Variants in FAM107B observed in about 807,000 individuals in gnomAD.
FAM107B encodes the protein family with sequence similarity 107 member B.
In FAM107B, 21 loss-of-function variants were observed where a neutral mutation model predicts 31.5. The observed-to-expected ratio is 0.67, with a 90% CI of 0.47 to 0.96. The LOEUF is 0.96. FAM107B is among the 40% of genes least tolerant of loss of function. The pLI is 0.00. For synonymous variants in FAM107B, 157 were observed against 141.5 expected (o/e 1.11, Z -0.78); for missense variants, 452 against 377.1 (o/e 1.20, Z -1.64).
chr10:14,573,937 G>C (rs1390394109), intron 2 of FAM107B, among the ~76,000 whole-genome samples: 2 of 91,336 alleles, frequency 2.2e-5, no homozygotes, highest in Non-Finnish European at 5.0e-5. Flanking sequence ...AACCACCCTA[G>C]GGCCCAGGAG....
At chr10:14,630,430 G>A (rs1853325045) in intron 2 of FAM107B, among the ~76,000 whole-genome samples, 1 of 151,854 alleles carries the variant, frequency 6.6e-6, no homozygotes, top group Non-Finnish European at 1.5e-5. Flanking sequence ...AATGCACTGA[G>A]GCAGAGTTGA....
intron 2 of FAM107B, among the ~76,000 whole-genome samples, chr10:14,601,760 G>A (rs773794901): frequency 1.9e-4 from 29 of 152,240 alleles, no homozygotes; most frequent in Non-Finnish European, 4.3e-4. Flanking sequence ...GGAAGGGGCA[G>A]AAGGTAAGTT....
chr10:14,774,003 C>G (rs1319563130), intron 1 of FAM107B, among the ~76,000 whole-genome samples: 1 of 152,196 alleles, frequency 6.6e-6, no homozygotes, highest in African/African-American at 2.4e-5. Flanking sequence ...GGCACCCTAG[C>G]CCGTTAATTC....
intron 2 of FAM107B, among the ~76,000 whole-genome samples, chr10:14,577,402 G>A (rs886612618): frequency 3.9e-5 from 6 of 152,242 alleles, no homozygotes; most frequent in African/African-American, 7.2e-5. Context: ...AAACTCTTCC[G>A]TTCACGGAAA....
chr10:14,570,472 A>G (rs545896901), intron 2 of FAM107B, among the ~76,000 whole-genome samples: 3 of 152,278 alleles, frequency 2.0e-5, no homozygotes, highest in East Asian at 1.9e-4. Context: ...GTGGCCACCC[A>G]AGACATTCTC....
rs146529060 is a variant in FAM107B at position 14,665,449 on chromosome 10, C to T, written c.469+2185G>A. On this transcript the variant is annotated intron_variant, in intron 2 of 4. Coordinates refer to ENST00000181796, the MANE Select transcript of FAM107B (RefSeq NM_031453.4). ...TTAGTGAGTAATGATGTCCTCCCAA[C>T]GTGTGTGAACAAATGTTCTCAGAAC... is the stretch of plus-strand genomic sequence containing the variant. 1.5e-3 allele frequency among the ~76,000 whole-genome samples: 224 copies of T among 152,318 alleles called. 2 individuals are homozygous for T. Among genetic ancestry groups the T allele is most frequent in the African/African-American group, 5.1e-3 (212 of 41,566 alleles).
chr10:14,619,052 G>A (rs1238799146), intron 2 of FAM107B, among the ~76,000 whole-genome samples: 2 of 152,158 alleles, frequency 1.3e-5, no homozygotes, highest in Non-Finnish European at 2.9e-5. Context: ...CCAGAGGTTA[G>A]AAGACATGAG....
At chr10:14,679,559 G>A (rs1854778070) in intron 1 of FAM107B, among the ~76,000 whole-genome samples, 1 of 152,214 alleles carries the variant, frequency 6.6e-6, no homozygotes, top group Non-Finnish European at 1.5e-5. Flanking sequence ...TGCCTGACTA[G>A]CAGCCTTTCA....
At chr10:14,688,566 C>G (rs1337904327) in intron 1 of FAM107B, among the ~76,000 whole-genome samples, 5 of 152,140 alleles carry the variant, frequency 3.3e-5, no homozygotes, top group Non-Finnish European at 5.9e-5. Context: ...TTCAGCCTTC[C>G]CAAGCCTCCT....
chr10:14,759,185 T>A (rs1055237775), intron 1 of FAM107B, among the ~76,000 whole-genome samples: 1 of 135,336 alleles, frequency 7.4e-6, no homozygotes, highest in Non-Finnish European at 1.7e-5. Flanking sequence ...TCTCAAAAAA[T>A]AAATAAATAA....
chr10:14,650,549 G>A (rs1387133450), intron 2 of FAM107B, among the ~76,000 whole-genome samples: 1 of 152,270 alleles, frequency 6.6e-6, no homozygotes, highest in South Asian at 2.1e-4. Context: ...GCCTCCCAAA[G>A]TGCTGGGATT....
Position 14,774,405 on chromosome 10 carries a change from C to T in FAM107B, c.259G>A (p.Gly87Ser). ...QDSSTHAERNGSANRNSSHRT... is the reference protein window; with the variant it reads ...QDSSTHAERNSSANRNSSHRT... ...TGACTTGAATTCCGATTCGCACTGCCATTTCTCTCTGCATGGGTGCTCGAA... is the reference window on the plus strand; with the variant it reads ...TGACTTGAATTCCGATTCGCACTGCTATTTCTCTCTGCATGGGTGCTCGAA... Residue 87 changes from glycine (G) to serine (S), a missense_variant, in exon 1 of 5, where the codon GGC (glycine) becomes AGC (serine). By Grantham distance (56) the Gly-to-Ser change is moderately conservative. Coordinates refer to ENST00000181796, the MANE Select transcript of FAM107B (RefSeq NM_031453.4). 1 of 1,614,210 alleles carries T rather than the reference C, an allele frequency of 6.2e-7. No individual in the cohort carries two copies. Among genetic ancestry groups the T allele is most frequent in the Non-Finnish European group, 8.5e-7 (1 of 1,180,044 alleles).
chr10:14,619,752 A>C (rs1289911251), intron 2 of FAM107B, among the ~76,000 whole-genome samples: 1 of 149,730 alleles, frequency 6.7e-6, no homozygotes, highest in Non-Finnish European at 1.5e-5. Flanking sequence ...AGCTAAGCAC[A>C]CAATTACATT....
intron 1 of FAM107B, among the ~76,000 whole-genome samples, chr10:14,685,142 ATTTTTTTTT>A (rs59475861): frequency 4.6e-3 from 168 of 36,756 alleles, no homozygotes; most frequent in Non-Finnish European, 6.8e-3. Flanking sequence ...ACATCCTTTT[ATTTTTTTTT>A]TTTTTTTTTT....
intron 1 of FAM107B, among the ~76,000 whole-genome samples, chr10:14,692,708 T>G (rs532750585): frequency 1.3e-5 from 2 of 152,312 alleles, no homozygotes; most frequent in East Asian, 3.9e-4. Flanking sequence ...CTTTGCTGTA[T>G]GCAATTGATC....
chr10:14,588,209 G>A (rs893856419), intron 2 of FAM107B, among the ~76,000 whole-genome samples: 8 of 151,988 alleles, frequency 5.3e-5, no homozygotes, highest in Non-Finnish European at 1.5e-5. Flanking sequence ...CAGGCTGTGC[G>A]TGCAAGCTGT....
At chr10:14,542,266 T>A (rs1268988939) in intron 2 of FAM107B, among the ~76,000 whole-genome samples, 12 of 127,266 alleles carry the variant, frequency 9.4e-5, no homozygotes, top group Admixed American at 9.2e-4. Flanking sequence ...TGAGACTCCA[T>A]CTCAAAAAAA....
At chr10:14,559,349 G>A (rs1452301207) in intron 2 of FAM107B, among the ~76,000 whole-genome samples, 2 of 152,094 alleles carry the variant, frequency 1.3e-5, no homozygotes, top group African/African-American at 4.8e-5. Flanking sequence ...GCCCAGCTTT[G>A]CCAGCACCGA....
chr10:14,633,412 T>G (rs1434246383), intron 2 of FAM107B, among the ~76,000 whole-genome samples: 2 of 152,238 alleles, frequency 1.3e-5, no homozygotes, highest in Non-Finnish European at 2.9e-5. Context: ...AAAACTATTC[T>G]GGGAAAACTT....
Sources: allele counts gnomAD v4.1 joint callset (sites outside exome capture counted in the v4.1 genomes callset), GRCh38; gene constraint gnomAD v4.1.1; transcripts MANE v1.5; gene names NCBI Gene and HGNC (gene_info 2026-07-23, HGNC 2026-07-21).